The following VAT1L variants were observed in gnomAD, a reference collection of about 807,000 sequenced individuals.
The protein encoded by VAT1L is putative NADPH-dependent quinone oxidoreductase VAT1L.
A neutral mutation model predicts 44.1 loss-of-function variants in VAT1L; 34 were observed. The observed-to-expected ratio is 0.77, with a 90% CI of 0.59 to 1.03. The LOEUF is 1.03. Ranked by LOEUF, VAT1L falls within the 50% of genes least tolerant of loss-of-function variation. The pLI is 0.00. For synonymous variants in VAT1L, 253 were observed against 202.2 expected, an observed-to-expected ratio of 1.25 and a Z score of -2.13; for missense variants, 615 against 538.8, an observed-to-expected ratio of 1.14 and a Z score of -1.40.
intron 1 of VAT1L, among the ~76,000 whole-genome samples, chr16:77,791,317 T>C (rs936472723): frequency 2.0e-5 from 3 of 152,202 alleles, no homozygotes; most frequent in African/African-American, 7.2e-5. Flanking sequence ...TAGGATATGC[T>C]TTTTGCTTGG....
At chr16:77,921,682 T>C (rs1125696) in intron 7 of VAT1L, among the ~76,000 whole-genome samples, 9,209 of 152,282 alleles carry the variant, frequency 0.06, 344 homozygotes, top group East Asian at 0.12. Flanking sequence ...TTGTGACTTT[T>C]AGGCACTTGT....
intron 1 of VAT1L, among the ~76,000 whole-genome samples, chr16:77,805,012 T>G (rs1056349894): frequency 6.6e-6 from 1 of 151,868 alleles, no homozygotes; most frequent in Non-Finnish European, 1.5e-5. Context: ...TTAGAGAGGG[T>G]GGACAGGGTT....
intron 7 of VAT1L, among the ~76,000 whole-genome samples, chr16:77,894,335 C>T: frequency 6.6e-6 from 1 of 152,206 alleles, no homozygotes; most frequent in East Asian, 1.9e-4. Flanking sequence ...GGCCCAGGCT[C>T]ATTGTTGACC....
At chr16:77,849,444 A>G (rs941284263) in intron 3 of VAT1L, among the ~76,000 whole-genome samples, 16 of 152,220 alleles carry the variant, frequency 1.1e-4, no homozygotes, top group African/African-American at 3.9e-4. Flanking sequence ...CAGGGGCTCC[A>G]GATAAGAGGT....
At chr16:77,832,815 C>T (rs2016594889) in intron 3 of VAT1L, among the ~76,000 whole-genome samples, 1 of 152,192 alleles carries the variant, frequency 6.6e-6, no homozygotes, top group African/African-American at 2.4e-5. Context: ...TGTGCCTGAG[C>T]ACTTGTGGTC....
At chr16:77,821,609 C>T (rs374256458) in intron 2 of VAT1L, among the ~76,000 whole-genome samples, 2 of 152,120 alleles carry the variant, frequency 1.3e-5, no homozygotes, top group East Asian at 3.9e-4. Flanking sequence ...CTTGTCTTTA[C>T]CACTTACAAC....
intron 3 of VAT1L, among the ~76,000 whole-genome samples, chr16:77,854,232 C>A (rs1468591100): frequency 6.6e-6 from 1 of 152,170 alleles, no homozygotes; most frequent in South Asian, 2.1e-4. Flanking sequence ...CAGCCATGCA[C>A]CCCTGTAACC....
chr16:77,856,191 G>A (rs1454235778), intron 3 of VAT1L, among the ~76,000 whole-genome samples: 2 of 152,180 alleles, frequency 1.3e-5, no homozygotes, highest in South Asian at 2.1e-4. Context: ...GAAAGAGAGG[G>A]TGGCACTTAG....
chr16:77,909,396 G>A (rs781772288), intron 7 of VAT1L, among the ~76,000 whole-genome samples: 4 of 152,010 alleles, frequency 2.6e-5, no homozygotes, highest in Non-Finnish European at 4.4e-5. Context: ...CAGCATGTTG[G>A]GAGGCCTAGG....
chr16:77,884,503 A>G lies in VAT1L; in HGVS notation c.883-105A>G. On this transcript the variant is annotated intron_variant, in intron 6 of 8. Coordinates refer to ENST00000302536, the MANE Select transcript of VAT1L (RefSeq NM_020927.3). This position sits in a 1 kb window ranked among gnomAD's most constrained non-coding sequence, Gnocchi z 4.5. ...GGCCAGCTGGAATCTGCTGAGCTGCAGCCCCACGTTCCCCCTGTAGTAGCT... is the reference window on the plus strand; with the variant it reads ...GGCCAGCTGGAATCTGCTGAGCTGCGGCCCCACGTTCCCCCTGTAGTAGCT... The G allele has an allele frequency of 9.0e-7, 1 of 1,109,254 alleles. No homozygotes were observed. The highest frequency in any genetic ancestry group is 1.6e-5 in the South Asian group (1 of 61,142). 68.7% of individuals were successfully genotyped at this position (1,109,254 alleles called of 1,614,324 possible).
chr16:77,883,783 C>T (rs1247011623), intron 6 of VAT1L, among the ~76,000 whole-genome samples: 5 of 152,152 alleles, frequency 3.3e-5, no homozygotes, highest in Admixed American at 6.5e-5. Flanking sequence ...CCTCTTCATC[C>T]GATGGATCCC....
intron 3 of VAT1L, among the ~76,000 whole-genome samples, chr16:77,850,658 T>C (rs1393274093): frequency 6.6e-6 from 1 of 152,202 alleles, no homozygotes; most frequent in Non-Finnish European, 1.5e-5. Context: ...TTTGTTTTTG[T>C]TTTCTTTTGG....
In VAT1L at chr16:77,879,240, C is replaced by T. The variant is rs1427612933; in HGVS notation, c.882+16C>T. 3 of 1,612,722 alleles carry T rather than the reference C, an allele frequency of 1.9e-6. No homozygotes were observed. Among genetic ancestry groups the T allele is most frequent in the East Asian group, 2.2e-5 (1 of 44,894 alleles). On this transcript the variant is annotated intron_variant, in intron 6 of 8. Coordinates refer to ENST00000302536, the MANE Select transcript of VAT1L (RefSeq NM_020927.3). The surrounding 1 kb of genome is among the most constrained non-coding windows in gnomAD (Gnocchi z 4.1). ...TGCAAAATCAGTAAGTATCCAGGCA[C>T]ATCTGATGTACTGTGGTGGCATGTT...
chr16:77,939,601 T>A (rs796137570), intron 7 of VAT1L, among the ~76,000 whole-genome samples: 7 of 152,292 alleles, frequency 4.6e-5, no homozygotes, highest in African/African-American at 1.7e-4. Flanking sequence ...GCTCTTCTCT[T>A]GCTTCCTGGG....
In VAT1L at chr16:77,934,130, G is replaced by C. The variant is rs566324316; in HGVS notation, c.1078-37720G>C. Among the ~76,000 whole-genome samples the C allele has an allele frequency of 9.2e-5, 14 of 152,284 alleles. No homozygotes were observed. The South Asian group carries it at 2.9e-3, about 32-fold the overall frequency. On this transcript the variant is annotated intron_variant, in intron 7 of 8. Transcript: ENST00000302536. ...AATTGATGGTAGCCTGGATAAGACT[G>C]TTCAAAAGAGAAGGTGAAAAGTCAT...
chr16:77,960,671 A>G (rs576581275), intron 7 of VAT1L, among the ~76,000 whole-genome samples: 1 of 152,302 alleles, frequency 6.6e-6, no homozygotes, highest in South Asian at 2.1e-4. Flanking sequence ...CCCAGTAGAT[A>G]TAGTCCATGG....
chr16:77,977,739 G>A lies in VAT1L; in HGVS notation c.*44G>A, dbSNP rs2018356828. The stretch of plus-strand genomic sequence containing the variant: ...GAATGTGAAGGATGGTTTGGAAGAT[G>A]AGGACCCGGCTGAGAAAACTCTTCT... On this transcript the variant is annotated 3_prime_UTR_variant, in exon 9 of 9. Transcript: ENST00000302536. The A allele has an allele frequency of 8.8e-6, 14 of 1,583,868 alleles. No homozygotes were observed. The East Asian group carries it at 3.2e-4, about 36-fold the overall frequency.
At chr16:77,951,425 A>G (rs537398445) in intron 7 of VAT1L, among the ~76,000 whole-genome samples, 1 of 152,256 alleles carries the variant, frequency 6.6e-6, no homozygotes, top group Non-Finnish European at 1.5e-5. Flanking sequence ...GGGAGCCTGT[A>G]ATCCCAGCTA....
In VAT1L at chr16:77,825,380, C is replaced by T; in HGVS notation, c.498C>T (p.Val166=). The stretch of plus-strand genomic sequence containing the variant: ...CTGCTGCATTCCCCATGAACTTCGT[C>T]ACAGCCTATGTGATGCTGTTTGAAG... ...SEAAAFPMNF[V]TAYVMLFEVA... The change falls in exon 3 of 9, where the codon GTC becomes GTT. Residue 166 remains valine (V), a synonymous_variant. Coordinates refer to ENST00000302536, the MANE Select transcript of VAT1L (RefSeq NM_020927.3). The T allele has an allele frequency of 6.2e-7, 1 of 1,613,912 alleles. No individual in the cohort carries two copies. The highest frequency in any genetic ancestry group is 8.5e-7 in the Non-Finnish European group (1 of 1,179,958).
Sources: gnomAD v4.1 joint callset for allele counts (sites outside exome capture counted in the v4.1 genomes callset) on GRCh38, gnomAD v4.1.1 for gene constraint, Gnocchi (gnomAD v3.1) non-coding constraint, MANE v1.5 for transcripts, NCBI Gene and HGNC (gene_info 2026-07-23, HGNC 2026-07-21) for gene names.